The following PCSK5 variants were observed in gnomAD, a reference collection of about 807,000 sequenced individuals.
PCSK5 encodes proprotein convertase subtilisin/kexin type 5, also known as prohormone convertase 5.
Under a neutral mutation model 233.2 loss-of-function variants are expected in PCSK5, and 129 were observed. The ratio of observed to expected loss-of-function variants is 0.55; its 90% CI spans 0.48 to 0.64. The LOEUF (loss-of-function observed/expected upper bound fraction) is 0.64. Ranked by LOEUF, PCSK5 falls within the 30% of genes least tolerant of loss-of-function variation. The probability of loss-of-function intolerance (pLI) is 0.00; values close to 1 mark genes in which losing one functional copy is unlikely to be tolerated. For missense variants in PCSK5, 2,076 were observed against 2,430.1 expected (o/e 0.85, Z 3.06); for synonymous variants, 825 against 879.2 (o/e 0.94, Z 1.09).
At chr9:76,112,351 G>T (rs941674304) in intron 9 of PCSK5, among the ~76,000 whole-genome samples, 4 of 152,000 alleles carry the variant, frequency 2.6e-5, no homozygotes, top group African/African-American at 7.2e-5. Context: ...ATATCTCAGA[G>T]GCCACAAGAA....
chr9:76,259,983 G>A (rs1827116958), intron 24 of PCSK5, among the ~76,000 whole-genome samples: 3 of 152,104 alleles, frequency 2.0e-5, no homozygotes, highest in Non-Finnish European at 4.4e-5. Flanking sequence ...TCCCTATTTA[G>A]CCAGGACAGC....
intron 20 of PCSK5, among the ~76,000 whole-genome samples, chr9:76,207,699 C>T (rs78462722): frequency 2.6e-5 from 4 of 152,162 alleles, no homozygotes; most frequent in East Asian, 1.9e-4. Context: ...TATGCTCTAC[C>T]GAATGGGTTG....
chr9:76,323,379 T>C, intron 32 of PCSK5, 91 bp downstream of exon 32: 2 of 736,664 alleles, frequency 2.7e-6, no homozygotes, highest in Non-Finnish European at 2.2e-6. Flanking sequence ...AATCTTTTTT[T>C]TGTTGTGTTT....
chr9:76,167,553 A>G (rs947338084), intron 12 of PCSK5, among the ~76,000 whole-genome samples: 4 of 152,216 alleles, frequency 2.6e-5, no homozygotes, highest in African/African-American at 7.2e-5. Flanking sequence ...CCATTTACCT[A>G]TCACAATCCA....
intron 1 of PCSK5, among the ~76,000 whole-genome samples, chr9:75,932,142 T>C (rs1210731870): frequency 2.0e-5 from 3 of 152,230 alleles, no homozygotes; most frequent in Non-Finnish European, 4.4e-5. Flanking sequence ...GCTGCCCCAT[T>C]ATAATCTTCA....
chr9:75,927,949 G>A (rs758504168), intron 1 of PCSK5, among the ~76,000 whole-genome samples: 6 of 152,160 alleles, frequency 3.9e-5, no homozygotes, highest in Non-Finnish European at 7.3e-5. Context: ...AGTTTACAAC[G>A]CCTTTCCTAA....
At chr9:76,114,227 A>G (rs1832335703) in intron 9 of PCSK5, among the ~76,000 whole-genome samples, 1 of 152,164 alleles carries the variant, frequency 6.6e-6, no homozygotes, top group African/African-American at 2.4e-5. Flanking sequence ...AACAATGCAC[A>G]TTTCGACTTG....
chr9:76,262,674 C>G (rs1827215296), intron 24 of PCSK5, among the ~76,000 whole-genome samples: 1 of 151,400 alleles, frequency 6.6e-6, no homozygotes, highest in African/African-American at 2.4e-5. Context: ...CACAAAAACC[C>G]TAGAAGAAAA....
chr9:76,260,898 G>A (rs1325766837), intron 24 of PCSK5, among the ~76,000 whole-genome samples: 3 of 152,106 alleles, frequency 2.0e-5, no homozygotes, highest in African/African-American at 7.2e-5. Context: ...ATAAATGTGA[G>A]CATTTCTTAT....
chr9:76,075,656 G>A (rs1314259660), intron 7 of PCSK5, among the ~76,000 whole-genome samples: 1 of 152,042 alleles, frequency 6.6e-6, no homozygotes, highest in African/African-American at 2.4e-5. Context: ...AGATTATAGG[G>A]TACAACAAAG....
chr9:76,106,514 A>C (rs1237499574), intron 8 of PCSK5, among the ~76,000 whole-genome samples: 1 of 152,268 alleles, frequency 6.6e-6, no homozygotes, highest in Non-Finnish European at 1.5e-5. Context: ...TTAAGCCAAG[A>C]GGATAAAAAT....
chr9:76,145,061 G>T (rs191946865), intron 10 of PCSK5, among the ~76,000 whole-genome samples: 1 of 152,142 alleles, frequency 6.6e-6, no homozygotes, highest in Non-Finnish European at 1.5e-5. Context: ...GGAGGCAGAG[G>T]TTGCAGTGAG....
chr9:75,979,462 A>G (rs942532114), intron 2 of PCSK5, among the ~76,000 whole-genome samples: 9 of 152,084 alleles, frequency 5.9e-5, no homozygotes, highest in African/African-American at 2.2e-4. Context: ...CCCCTTCTAG[A>G]TTATATTCCA....
intron 10 of PCSK5, among the ~76,000 whole-genome samples, chr9:76,137,957 C>G (rs1823048743): frequency 6.6e-6 from 1 of 152,020 alleles, no homozygotes; most frequent in African/African-American, 2.4e-5. Flanking sequence ...CTTTTTAATT[C>G]TCCCTTGTGT....
chr9:76,227,521 A>G lies in PCSK5; in HGVS notation c.2645A>G (p.His882Arg). The change falls in exon 21 of 38, where the codon CAT becomes CGT. Residue 882 changes from histidine to arginine, a missense_variant. His to Arg is a conservative substitution (Grantham distance 29). Coordinates refer to ENST00000674117, the MANE Select transcript of PCSK5 (RefSeq NM_001372043.1). ...TCCCCAGGAGAATATGTTGATGAGC[A>G]TGGCCACTGCCAGACCTGTGAGGCC... ...ICKDGEYVDE[H>R]GHCQTCEASC... The G allele has an allele frequency of 6.2e-7, 1 of 1,611,524 alleles. No individual in the cohort carries two copies. Among genetic ancestry groups the G allele is most frequent in the Non-Finnish European group, 8.5e-7 (1 of 1,179,048 alleles).
chr9:76,063,044 G>A (rs753317993), intron 5 of PCSK5, among the ~76,000 whole-genome samples: 2 of 152,044 alleles, frequency 1.3e-5, no homozygotes, highest in African/African-American at 2.4e-5. Flanking sequence ...GAGGACATGC[G>A]ATATTTGTCT....
Position 75,891,094 on chromosome 9 carries a change from G to C in PCSK5, c.-88G>C, listed in dbSNP as rs973551442. On this transcript the variant is annotated 5_prime_UTR_variant, in exon 1 of 38. Transcript: ENST00000674117. ...CTGCGGCGGCCCGGGGCTGCTCGCC[G>C]GGCGGCGCAGGCCGGAGAAGTTAGT... 1.6e-6 allele frequency: 2 copies of C among 1,247,998 alleles called. No individual in the cohort carries two copies. Among genetic ancestry groups the C allele is most frequent in the Non-Finnish European group, 2.1e-6 (2 of 968,614 alleles). 77.3% of individuals were successfully genotyped at this position (1,247,998 alleles called of 1,614,324 possible). A position where few individuals can be genotyped will look rare whatever the true frequency, so the allele number is the denominator to read the frequency against.
At chr9:76,026,828 C>T (rs1303036750) in intron 4 of PCSK5, 133 bp from the exon 5 acceptor site, 6 of 588,822 alleles carry the variant, frequency 1.0e-5, no homozygotes, top group South Asian at 2.4e-5. Context: ...ACCACTGAAC[C>T]GTGAGGTGAG....
At chr9:75,982,414 C>T (rs1826318915) in intron 2 of PCSK5, among the ~76,000 whole-genome samples, 1 of 152,078 alleles carries the variant, frequency 6.6e-6, no homozygotes, top group South Asian at 2.1e-4. Context: ...GTTTCCATTC[C>T]CCTCACCATT....
Sources: allele counts gnomAD v4.1 joint callset (sites outside exome capture counted in the v4.1 genomes callset), GRCh38; gene constraint gnomAD v4.1.1; transcripts MANE v1.5; gene names NCBI Gene and HGNC (gene_info 2026-07-23, HGNC 2026-07-21).